Variants in BTBD9 observed in about 807,000 individuals in gnomAD.
BTBD9 encodes BTB domain containing 9, also known as BTB/POZ domain-containing protein 9.
In BTBD9, 49 loss-of-function variants were observed where a neutral mutation model predicts 64.3. The ratio of observed to expected loss-of-function variants is 0.76; its 90% CI spans 0.61 to 0.97. BTBD9 has a LOEUF of 0.97. Among genes scored for constraint, BTBD9 ranks in the 50% least tolerant of loss-of-function variants. The probability of loss-of-function intolerance (pLI) is 0.00; values close to 1 mark genes in which losing one functional copy is unlikely to be tolerated. For synonymous variants in BTBD9, 260 were observed against 274.7 expected (o/e 0.95, Z 0.53); for missense variants, 598 against 762.1 (o/e 0.78, Z 2.53).
chr6:38,563,988 T>G (rs1411165896), intron 6 of BTBD9, among the ~76,000 whole-genome samples: 1 of 151,776 alleles, frequency 6.6e-6, no homozygotes, highest in East Asian at 1.9e-4. Context: ...TTCACCGTGT[T>G]AGCCAGGATG....
chr6:38,567,564 T>C (rs1775578527), intron 6 of BTBD9, among the ~76,000 whole-genome samples: 1 of 152,208 alleles, frequency 6.6e-6, no homozygotes, highest in African/African-American at 2.4e-5. Context: ...GTGTTCGTGC[T>C]ACCACCGTTC....
chr6:38,272,101 T>C (rs1765217206), intron 8 of BTBD9, among the ~76,000 whole-genome samples: 1 of 152,124 alleles, frequency 6.6e-6, no homozygotes, highest in Non-Finnish European at 1.5e-5. Context: ...ACTGATAGGA[T>C]AGTCATTGAC....
chr6:38,471,390 C>T (rs896133380), intron 6 of BTBD9, among the ~76,000 whole-genome samples: 3 of 152,128 alleles, frequency 2.0e-5, no homozygotes, highest in African/African-American at 7.2e-5. Context: ...CCAAGGAATC[C>T]GACCCACTAG....
intron 6 of BTBD9, chr6:38,402,699 A>C (rs1766989963): frequency 3.1e-6 from 2 of 645,374 alleles, no homozygotes; most frequent in Non-Finnish European, 5.5e-6. Context: ...TAAGAGTCAA[A>C]ACTATAATAC....
chr6:38,424,105 T>G (rs751160516), intron 6 of BTBD9, among the ~76,000 whole-genome samples: 1 of 152,056 alleles, frequency 6.6e-6, no homozygotes, highest in Non-Finnish European at 1.5e-5. Flanking sequence ...TAGCATGAAT[T>G]TTATACTCAT....
intron 6 of BTBD9, among the ~76,000 whole-genome samples, chr6:38,469,474 C>A (rs1195638673): frequency 1.3e-5 from 2 of 152,122 alleles, no homozygotes; most frequent in Non-Finnish European, 2.9e-5. Flanking sequence ...CACATGCCAC[C>A]ACGCCTGGCT....
chr6:38,601,173 C>CCA (rs1476169529), intron 1 of BTBD9, among the ~76,000 whole-genome samples: 1 of 152,148 alleles, frequency 6.6e-6, no homozygotes, highest in Admixed American at 6.5e-5. Flanking sequence ...GGAAAAACAG[C>CCA]CACTGATTTA....
intron 6 of BTBD9, among the ~76,000 whole-genome samples, chr6:38,408,201 T>G (rs1454523968): frequency 2.0e-5 from 3 of 151,522 alleles, no homozygotes; most frequent in Non-Finnish European, 4.4e-5. Context: ...CAAAAGAAAA[T>G]AGAAAAATTA....
intron 8 of BTBD9, among the ~76,000 whole-genome samples, chr6:38,266,658 G>C (rs1405036485): frequency 9.7e-6 from 1 of 102,874 alleles, no homozygotes; most frequent in African/African-American, 4.5e-5. Flanking sequence ...AAGAAAGAAA[G>C]AAAGAAAGAA....
At chr6:38,510,931 T>A (rs1772745830) in intron 6 of BTBD9, among the ~76,000 whole-genome samples, 1 of 152,130 alleles carries the variant, frequency 6.6e-6, no homozygotes. Context: ...CCGGTTAAAT[T>A]TTTTTTCATA....
intron 9 of BTBD9, among the ~76,000 whole-genome samples, chr6:38,211,007 A>C (rs183665505): frequency 1.3e-3 from 203 of 152,278 alleles, no homozygotes; most frequent in Admixed American, 3.5e-3. Flanking sequence ...TTCTGGGCAA[A>C]AGGTATCAGA....
chr6:38,607,940 A>G (rs78293217), intron 1 of BTBD9, among the ~76,000 whole-genome samples: 10,735 of 152,196 alleles, frequency 0.071, 551 homozygotes, highest in Non-Finnish European at 0.1. Context: ...AAATGACCCA[A>G]CTGAGCTTCA....
In BTBD9 at chr6:38,170,646, C is replaced by G. The variant is rs1268427401; in HGVS notation, c.*4339G>C. 1 of 152,230 alleles carries G rather than the reference C, an allele frequency of 6.6e-6. No homozygotes were observed. Among genetic ancestry groups the G allele is most frequent in the Non-Finnish European group, 1.5e-5 (1 of 68,058 alleles). The allele number at this position is 152,230 out of a possible 1,614,324, so 9.4% of individuals were successfully genotyped here. On this transcript the variant is annotated 3_prime_UTR_variant, in exon 11 of 11. Transcript: ENST00000481247. ...CATGCCATTTAAACCTTGCCCTTCC[C>G]TCTCTTCTGGAAACTCTGAGCAAAC... is the stretch of plus-strand genomic sequence containing the variant.
chr6:38,392,245 G>A (rs1433095779), intron 6 of BTBD9, among the ~76,000 whole-genome samples: 3 of 151,576 alleles, frequency 2.0e-5, no homozygotes, highest in Non-Finnish European at 4.4e-5. Flanking sequence ...GAAAAACGGA[G>A]TCAAAGAAGA....
At position 38,594,028 on chromosome 6, in the gene BTBD9, C is replaced by G; in HGVS notation, c.485G>C (p.Cys162Ser). Reference sequence around the variant, plus strand: ...CTGAGCATTCCTATCCATAAACATGCAGCACATACAAGTTAACTTGGGAAG... The same window carrying G: ...CTGAGCATTCCTATCCATAAACATGGAGCACATACAAGTTAACTTGGGAAG... ...YSLPKLTCMC[C>S]MFMDRNAQEV... is the part of the protein sequence containing the mutation. The change falls in exon 3 of 11, where the codon TGC (cysteine) becomes TCC (serine). Residue 162 changes from cysteine (C) to serine (S), a missense_variant. Cys to Ser is a moderately radical substitution (Grantham distance 112). Transcript: ENST00000481247. 1 of 1,614,096 alleles carries G rather than the reference C, an allele frequency of 6.2e-7. No homozygotes were observed. Among genetic ancestry groups the G allele is most frequent in the South Asian group, 1.1e-5 (1 of 91,054 alleles).
At chr6:38,603,521 C>T (rs11759282) in intron 1 of BTBD9, among the ~76,000 whole-genome samples, 5 of 152,182 alleles carry the variant, frequency 3.3e-5, no homozygotes, top group Non-Finnish European at 5.9e-5. Context: ...GGGGAAAAAA[C>T]CAAGTTGACC....
chr6:38,588,036 T>C (rs1409825386), intron 4 of BTBD9: 2 of 732,380 alleles, frequency 2.7e-6, no homozygotes, highest in East Asian at 2.5e-5. Context: ...GAAGCTAAGA[T>C]ACAAGCAGGT....
intron 7 of BTBD9, among the ~76,000 whole-genome samples, chr6:38,310,854 A>G (rs1582208654): frequency 6.6e-6 from 1 of 152,314 alleles, no homozygotes; most frequent in East Asian, 1.9e-4. Context: ...TCTGTCACCC[A>G]GGCTGGAGTG....
intron 6 of BTBD9, among the ~76,000 whole-genome samples, chr6:38,526,045 G>GA (rs1231925626): frequency 1.3e-5 from 2 of 152,200 alleles, no homozygotes; most frequent in African/African-American, 4.8e-5. Context: ...AAACAATGGG[G>GA]AAAATGCCTC....
Sources: allele counts gnomAD v4.1 joint callset (sites outside exome capture counted in the v4.1 genomes callset), GRCh38; gene constraint gnomAD v4.1.1; transcripts MANE v1.5; gene names NCBI Gene and HGNC (gene_info 2026-07-23, HGNC 2026-07-21).